The following ATE1 variants were observed in gnomAD, a reference collection of about 807,000 sequenced individuals.
ATE1 encodes arginyl-tRNA--protein transferase 1.
In ATE1, 36 loss-of-function variants were observed where a neutral mutation model predicts 70.5. That is an observed-to-expected ratio of 0.51 (90% CI 0.39 to 0.67). ATE1 has a LOEUF of 0.67. Ranked by LOEUF, ATE1 falls within the 30% of genes least tolerant of loss-of-function variation. The probability of loss-of-function intolerance (pLI) is 0.00; values close to 1 mark genes in which losing one functional copy is unlikely to be tolerated. For synonymous variants in ATE1, 232 were observed against 219.3 expected (o/e 1.06, Z -0.51); for missense variants, 593 against 629.5 (o/e 0.94, Z 0.62).
At chr10:121,744,715 T>C (rs1246021131) in intron 11 of ATE1, among the ~76,000 whole-genome samples, 2 of 152,172 alleles carry the variant, frequency 1.3e-5, no homozygotes, top group Non-Finnish European at 2.9e-5. Context: ...CTATCTGTCC[T>C]TCTCTTCTTT....
chr10:121,812,533 C>G (rs559572492), intron 10 of ATE1, among the ~76,000 whole-genome samples: 1 of 152,094 alleles, frequency 6.6e-6, no homozygotes, highest in African/African-American at 2.4e-5. Flanking sequence ...AACTCTTCCT[C>G]CCTCGAAATT....
intron 1 of ATE1, chr10:121,927,187 A>C (rs1028866647): frequency 5.1e-6 from 5 of 985,338 alleles, no homozygotes; most frequent in Middle Eastern, 1.0e-3. Flanking sequence ...GAAAAACAAA[A>C]CAAACTTGTG....
At chr10:121,821,165 C>T (rs769879047) in intron 10 of ATE1, among the ~76,000 whole-genome samples, 33 of 152,102 alleles carry the variant, frequency 2.2e-4, no homozygotes, top group Admixed American at 3.9e-4. Context: ...AGGATGGTCT[C>T]GATCTCCTGA....
intron 8 of ATE1, among the ~76,000 whole-genome samples, chr10:121,868,077 C>T (rs1389679169): frequency 2.6e-5 from 4 of 152,096 alleles, no homozygotes; most frequent in Non-Finnish European, 5.9e-5. Flanking sequence ...AGTTTATAAA[C>T]ATCCCATCTC....
chr10:121,886,792 A>T (rs1037047242), intron 7 of ATE1, among the ~76,000 whole-genome samples: 2 of 152,120 alleles, frequency 1.3e-5, no homozygotes, highest in Non-Finnish European at 2.9e-5. Flanking sequence ...TTCACCTATG[A>T]CCACAGTTTC....
At chr10:121,763,138 T>C (rs1281617179) in intron 11 of ATE1, among the ~76,000 whole-genome samples, 4 of 152,210 alleles carry the variant, frequency 2.6e-5, no homozygotes, top group Non-Finnish European at 5.9e-5. Context: ...CAAAAGGATG[T>C]ATACTTAAGG....
chr10:121,890,596 G>A (rs1950547172), intron 7 of ATE1, among the ~76,000 whole-genome samples: 1 of 152,182 alleles, frequency 6.6e-6, no homozygotes, highest in Non-Finnish European at 1.5e-5. Context: ...GCAGAAGTAT[G>A]ATGAGATTAC....
At chr10:121,785,860 ATAAAT>A (rs1946184038) in intron 11 of ATE1, among the ~76,000 whole-genome samples, 2 of 152,208 alleles carry the variant, frequency 1.3e-5, no homozygotes, top group Admixed American at 6.5e-5. Flanking sequence ...TAAATTAAAA[ATAAAT>A]TGTAAGATTT....
intron 7 of ATE1, among the ~76,000 whole-genome samples, chr10:121,885,142 TCC>T (rs1950342151): frequency 1.3e-5 from 2 of 150,248 alleles, no homozygotes; most frequent in South Asian, 4.2e-4. Context: ...GTGCCTGTAA[TCC>T]CAGTTACTCG....
chr10:121,928,164 T>A (rs966259548), upstream of ATE1: 49 of 1,277,808 alleles, frequency 3.8e-5, no homozygotes, highest in Non-Finnish European at 4.8e-5. Context: ...CCGTTCCTTC[T>A]CCATAAGGGG....
intron 8 of ATE1, among the ~76,000 whole-genome samples, chr10:121,844,035 A>G (rs949647063): frequency 6.6e-6 from 1 of 152,260 alleles, no homozygotes; most frequent in African/African-American, 2.4e-5. Context: ...CATATCTGAT[A>G]AAGAATTGGT....
chr10:121,878,458 T>C (rs991997562), intron 7 of ATE1, among the ~76,000 whole-genome samples: 19 of 151,986 alleles, frequency 1.3e-4, no homozygotes, highest in African/African-American at 4.3e-4. Context: ...CCGGCCATGG[T>C]GGTGCACACC....
intron 11 of ATE1, among the ~76,000 whole-genome samples, chr10:121,768,073 T>C (rs760947150): frequency 6.6e-6 from 1 of 152,206 alleles, no homozygotes; most frequent in African/African-American, 2.4e-5. Flanking sequence ...ATAGAAATTA[T>C]GCTAAGTGAA....
intron 11 of ATE1, among the ~76,000 whole-genome samples, chr10:121,786,551 C>T (rs1014477656): frequency 6.6e-6 from 1 of 151,952 alleles, no homozygotes; most frequent in African/African-American, 2.4e-5. Flanking sequence ...CACCTGTAGT[C>T]CCAGCTACTT....
At chr10:121,927,759 GC>G in intron 1 of ATE1, 84 bp downstream of exon 1, 3 of 1,439,220 alleles carry the variant, frequency 2.1e-6, no homozygotes, top group South Asian at 1.4e-5. Context: ...AGGGGCTCCG[GC>G]CCCCTCGCGT....
At chr10:121,772,110 G>A (rs1945543408) in intron 11 of ATE1, among the ~76,000 whole-genome samples, 2 of 152,288 alleles carry the variant, frequency 1.3e-5, no homozygotes, top group East Asian at 1.9e-4. Context: ...CCACTGCCCA[G>A]ACACCACATT....
intron 8 of ATE1, among the ~76,000 whole-genome samples, chr10:121,848,884 C>A (rs1365434098): frequency 6.6e-6 from 1 of 151,574 alleles, no homozygotes; most frequent in African/African-American, 2.4e-5. Context: ...GCACTCCAGC[C>A]TGGGTGACAG....
At chr10:121,767,219 A>G (rs975847723) in intron 11 of ATE1, among the ~76,000 whole-genome samples, 4 of 152,216 alleles carry the variant, frequency 2.6e-5, no homozygotes, top group Non-Finnish European at 4.4e-5. Context: ...AAACTCTCAG[A>G]AAACGAGGAG....
chr10:121,761,504 G>C (rs148450765), intron 11 of ATE1, among the ~76,000 whole-genome samples: 1 of 152,026 alleles, frequency 6.6e-6, no homozygotes, highest in Admixed American at 6.6e-5. Flanking sequence ...GCACTTAATA[G>C]ACTACAGCAT....
Sources: gnomAD v4.1 joint callset for allele counts (sites outside exome capture counted in the v4.1 genomes callset) on GRCh38, gnomAD v4.1.1 for gene constraint, MANE v1.5 for transcripts, NCBI Gene and HGNC (gene_info 2026-07-23, HGNC 2026-07-21) for gene names.